MPRIP: variants seen among roughly 807,000 people sequenced by gnomAD.
MPRIP encodes myosin phosphatase Rho interacting protein.
In MPRIP, 59 loss-of-function variants were observed where a neutral mutation model predicts 234.9. That is an observed-to-expected ratio of 0.25 (90% confidence interval 0.20 to 0.31). The LOEUF (loss-of-function observed/expected upper bound fraction) is 0.31. Among genes scored for constraint, MPRIP ranks in the 10% least tolerant of loss-of-function variants. The pLI is 1.00. For missense variants in MPRIP, 2,436 were observed against 3,071.0 expected (o/e 0.79, Z 4.89); for synonymous variants, 1,144 against 1,263.9 (o/e 0.91, Z 2.01).
chr17:17,143,663 C>T lies in MPRIP; in HGVS notation c.1497C>T (p.Ser499=), dbSNP rs761626923. The change falls in exon 9 of 24, where the codon TCC becomes TCT. Residue 499 remains serine, a synonymous_variant. Coordinates refer to ENST00000651222, the MANE Select transcript of MPRIP (RefSeq NM_001364716.4). The part of the protein sequence containing the change: ...KSLDRRSTEP[S]VTPDLLNFKK... ...TGGACAGGAGGTCCACGGAGCCCTC[C>T]GTGACGGTGAGCCCAGGCGCCGCGT... 21 of 1,598,308 alleles carry T rather than the reference C, an allele frequency of 1.3e-5. No homozygotes were observed. The highest frequency in any genetic ancestry group is 1.3e-4 in the South Asian group (11 of 87,974).
Position 17,166,218 on chromosome 17 carries a change from G to A in MPRIP, c.4627G>A (p.Gly1543Arg). ...GGAGACAGGTGGCACCGAGGAGAAT[G>A]GGAAGCCTGCCTCCCTGCAGCAGTG... The part of the protein sequence containing the change: ...QLETGGTEEN[G>R]KPASLQQCSQ... The change falls in exon 16 of 24, where the codon GGG becomes AGG. Residue 1543 changes from glycine (G) to arginine (R), a missense_variant. Transcript: ENST00000651222. This position sits in a 1 kb window ranked among gnomAD's most constrained non-coding sequence, Gnocchi z 4.4. 12 of 1,303,492 alleles carry A rather than the reference G, an allele frequency of 9.2e-6. No homozygotes were observed. Among genetic ancestry groups the A allele is most frequent in the Non-Finnish European group, 1.2e-5 (12 of 988,576 alleles). 80.7% of individuals were successfully genotyped at this position (1,303,492 alleles called of 1,614,324 possible).
At chr17:17,083,805 G>A (rs1597776579) in intron 3 of MPRIP, among the ~76,000 whole-genome samples, 2 of 152,076 alleles carry the variant, frequency 1.3e-5, no homozygotes, top group African/African-American at 2.4e-5. Context: ...GTGCAGTGGC[G>A]TGATCTTGGC....
At position 17,187,358 on chromosome 17, in the gene MPRIP, G is replaced by C. The variant is rs2046496267; in HGVS notation, c.*2464G>C. ...TCCCCAGAGGCTGGTTTAGTGTAGG[G>C]TATTGCCAGGAAACGGACTGAGGCT... On this transcript the variant is annotated 3_prime_UTR_variant, in exon 24 of 24. Coordinates refer to ENST00000651222, the MANE Select transcript of MPRIP (RefSeq NM_001364716.4). 6.6e-6 allele frequency: 1 copy of C among 152,230 alleles called. No homozygotes were observed. Among genetic ancestry groups the C allele is most frequent in the Non-Finnish European group, 1.5e-5 (1 of 68,056 alleles). 9.4% of individuals were successfully genotyped at this position (152,230 alleles called of 1,614,324 possible).
chr17:17,096,030 G>A (rs1466224314), intron 3 of MPRIP, among the ~76,000 whole-genome samples: 2 of 151,984 alleles, frequency 1.3e-5, no homozygotes, highest in Non-Finnish European at 2.9e-5. Flanking sequence ...ATATTAATTA[G>A]GGTTTTAGCA....
intron 1 of MPRIP, among the ~76,000 whole-genome samples, chr17:17,059,265 G>A (rs1030182905): frequency 6.6e-6 from 1 of 152,198 alleles, no homozygotes; most frequent in African/African-American, 2.4e-5. Flanking sequence ...TGTGGCCATA[G>A]CATGTCCTGT....
At chr17:17,045,862 G>C (rs1480142755) in intron 1 of MPRIP, among the ~76,000 whole-genome samples, 1 of 150,102 alleles carries the variant, frequency 6.7e-6, no homozygotes, top group East Asian at 2.0e-4. Flanking sequence ...CTGGTGTGCA[G>C]TGGCGCGATC....
At chr17:17,183,092 G>A (rs2046406214) in intron 23 of MPRIP, 1 of 152,324 alleles carries the variant, frequency 6.6e-6, no homozygotes, top group Non-Finnish European at 1.5e-5. Context: ...CTCAGAATGG[G>A]AGATGGATTT....
chr17:17,155,672 G>T (rs1433533870), intron 13 of MPRIP, among the ~76,000 whole-genome samples: 4 of 152,234 alleles, frequency 2.6e-5, no homozygotes, highest in Admixed American at 2.6e-4. Context: ...ATTTGTTCAT[G>T]ACTTCATTTA....
At chr17:17,080,540 T>G (rs907409587) in intron 3 of MPRIP, among the ~76,000 whole-genome samples, 5 of 152,142 alleles carry the variant, frequency 3.3e-5, no homozygotes, top group African/African-American at 1.2e-4. Flanking sequence ...GCGTCATGCC[T>G]CCCAGGGCCA....
chr17:17,122,242 A>G (rs1190686447), intron 3 of MPRIP, among the ~76,000 whole-genome samples: 1 of 152,220 alleles, frequency 6.6e-6, no homozygotes, highest in Non-Finnish European at 1.5e-5. Context: ...TGTCTTCCAC[A>G]ATGGCTGAAC....
chr17:17,099,990 G>T lies in MPRIP; in HGVS notation c.267+21914G>T, dbSNP rs1252185211. Among the ~76,000 whole-genome samples, 4 of 152,342 alleles carry T rather than the reference G, an allele frequency of 2.6e-5. No individual in the cohort carries two copies. The East Asian group carries it at 7.7e-4, about 29-fold the overall frequency. ...ACATCTCCACCTGATGTCACTCGTG[G>T]CAGGCAAGGGGACACTTATCCTTGT... On this transcript the variant is annotated intron_variant, in intron 3 of 23. Transcript: ENST00000651222.
chr17:17,052,205 C>T (rs1260350241), intron 1 of MPRIP, among the ~76,000 whole-genome samples: 4 of 152,190 alleles, frequency 2.6e-5, no homozygotes, highest in Non-Finnish European at 5.9e-5. Context: ...TCCACCCTGG[C>T]TCCAGACTCC....
intron 3 of MPRIP, among the ~76,000 whole-genome samples, chr17:17,106,575 T>C (rs961727488): frequency 2.6e-5 from 4 of 152,196 alleles, no homozygotes; most frequent in Non-Finnish European, 5.9e-5. Context: ...AACCGGATCT[T>C]CCTGAGTCCC....
At chr17:17,050,832 G>T (rs1332363513) in intron 1 of MPRIP, among the ~76,000 whole-genome samples, 1 of 151,904 alleles carries the variant, frequency 6.6e-6, no homozygotes, top group East Asian at 1.9e-4. Context: ...GGGAGCCGGT[G>T]AGGGCCGTGG....
chr17:17,043,768 C>G (rs1002759139), intron 1 of MPRIP, among the ~76,000 whole-genome samples: 2 of 152,136 alleles, frequency 1.3e-5, no homozygotes, highest in African/African-American at 4.8e-5. Context: ...CCTTGGGAAC[C>G]CCTGCAGTGA....
intron 13 of MPRIP, among the ~76,000 whole-genome samples, chr17:17,154,705 G>A (rs559288252): frequency 6.6e-6 from 1 of 152,332 alleles, no homozygotes; most frequent in East Asian, 1.9e-4. Flanking sequence ...GTGTCAGCAG[G>A]CACTTGGCCA....
rs1377444273 is a variant in MPRIP at position 17,176,411 on chromosome 17, T to G, written c.6871-15T>G. 2 of 1,602,724 alleles carry G rather than the reference T, an allele frequency of 1.2e-6. No homozygotes were observed. Among genetic ancestry groups the G allele is most frequent in the Non-Finnish European group, 1.7e-6 (2 of 1,169,748 alleles). The stretch of plus-strand genomic sequence containing the variant: ...TGCTCCTGAATATTGGTCCCTGATC[T>G]CTCTGTCATTTTAGGTCTTATTGCG... On this transcript the variant is annotated splice_polypyrimidine_tract_variant and intron_variant, in intron 20 of 23. Coordinates refer to ENST00000651222, the MANE Select transcript of MPRIP (RefSeq NM_001364716.4).
intron 3 of MPRIP, among the ~76,000 whole-genome samples, chr17:17,079,255 C>T (rs1035761256): frequency 6.6e-6 from 1 of 152,196 alleles, no homozygotes; most frequent in African/African-American, 2.4e-5. Flanking sequence ...CTGGTTCCTA[C>T]TTAAAAAGAA....
rs188027198 is a variant in MPRIP, at chr17:17,160,093, G to T, written c.2400+1091G>T. 2.8e-3 allele frequency among the ~76,000 whole-genome samples: 425 copies of T among 152,274 alleles called. 3 individuals carry two copies. Among genetic ancestry groups the T allele is most frequent in the Middle Eastern group, 0.014 (4 of 294 alleles). ...TGTTTAAAAGTCAGGGGTCGGCTGG[G>T]CATGGTGGCTCACGCCTGTAATCCC... On this transcript the variant is annotated intron_variant, in intron 14 of 23. Coordinates refer to ENST00000651222, the MANE Select transcript of MPRIP (RefSeq NM_001364716.4).
Sources: gnomAD v4.1 joint callset for allele counts (sites outside exome capture counted in the v4.1 genomes callset) on GRCh38, gnomAD v4.1.1 for gene constraint, Gnocchi (gnomAD v3.1) non-coding constraint, MANE v1.5 for transcripts, NCBI Gene and HGNC (gene_info 2026-07-23, HGNC 2026-07-21) for gene names.